Variants in ZNF787 observed in about 807,000 individuals in gnomAD.
ZNF787 encodes the protein TTF-I-interacting peptide 20.
A neutral mutation model predicts 16.9 loss-of-function variants in ZNF787; 7 were observed. The observed-to-expected ratio is 0.42, with a 90% CI of 0.24 to 0.78. The LOEUF (loss-of-function observed/expected upper bound fraction) is 0.78. ZNF787 is among the 30% of genes least tolerant of loss of function. ZNF787 has a pLI of 0.30. For synonymous variants in ZNF787, 345 were observed against 270.9 expected, an observed-to-expected ratio of 1.27 and a Z score of -2.69; for missense variants, 551 against 589.3, an observed-to-expected ratio of 0.94 and a Z score of 0.67.
chr19:56,091,244 C>T (rs1374188677), intron 2 of ZNF787, among the ~76,000 whole-genome samples: 1 of 152,220 alleles, frequency 6.6e-6, no homozygotes, highest in Non-Finnish European at 1.5e-5. Context: ...CTATCTGAAC[C>T]TTACAAGTGC....
intron 2 of ZNF787, among the ~76,000 whole-genome samples, chr19:56,091,519 T>A (rs1245170280): frequency 6.6e-6 from 1 of 152,080 alleles, no homozygotes; most frequent in African/African-American, 2.4e-5. Context: ...ATCAAAGCAA[T>A]TTCATGAGCT....
chr19:56,098,431 A>AATACGGCCGCAGGGTG (rs1193028967), intron 2 of ZNF787, among the ~76,000 whole-genome samples: 3 of 151,002 alleles, frequency 2.0e-5, no homozygotes, highest in South Asian at 4.2e-4. Flanking sequence ...CCACCCAGGT[A>AATACGGCCGCAGGGTG]ATACGGCCGC....
At position 56,091,075 on chromosome 19, in the gene ZNF787, T is replaced by G. The variant is rs147306195; in HGVS notation, c.80-1983A>C. 3.6e-4 allele frequency among the ~76,000 whole-genome samples: 55 copies of G among 152,240 alleles called. 1 individual carries two copies. In the East Asian group the frequency reaches 0.011, roughly 29 times the overall value. The stretch of plus-strand genomic sequence containing the variant: ...CATGGAGCCCACTGCGTTGTCAACA[T>G]AAATCAAAAAATGTTGTAAGTTATA... On this transcript the variant is annotated intron_variant, in intron 2 of 2. Coordinates refer to ENST00000610935, the MANE Select transcript of ZNF787 (RefSeq NM_001002836.4).
intron 1 of ZNF787, among the ~76,000 whole-genome samples, chr19:56,110,126 C>A (rs952264934): frequency 2.0e-5 from 3 of 152,192 alleles, no homozygotes; most frequent in Non-Finnish European, 2.9e-5. Flanking sequence ...CTTTGGGAGG[C>A]CAAGGCAGGC....
intron 1 of ZNF787, among the ~76,000 whole-genome samples, chr19:56,114,179 C>T (rs1187405828): frequency 6.6e-6 from 1 of 152,204 alleles, no homozygotes; most frequent in Non-Finnish European, 1.5e-5. Flanking sequence ...TCTGCAAACC[C>T]CCTCCCTTCC....
Position 56,112,310 on chromosome 19 carries a change from C to G in ZNF787, c.-11+8862G>C, listed in dbSNP as rs188023879. Among the ~76,000 whole-genome samples, 333 of 152,150 alleles carry G rather than the reference C, an allele frequency of 2.2e-3. 1 individual carries two copies. The highest frequency in any genetic ancestry group is 7.5e-3 in the African/African-American group (310 of 41,434). On this transcript the variant is annotated intron_variant, in intron 1 of 2. Coordinates refer to ENST00000610935, the MANE Select transcript of ZNF787 (RefSeq NM_001002836.4). ...GAGGGTCCCGGCCTCCCTTACCAGCCTCCGTTTCTCAGTCGGGGTCTCAGG... is the reference window on the plus strand; with the variant it reads ...GAGGGTCCCGGCCTCCCTTACCAGCGTCCGTTTCTCAGTCGGGGTCTCAGG...
intron 2 of ZNF787, among the ~76,000 whole-genome samples, chr19:56,092,034 GCCGAAGCCGAAGCCTCAC>G (rs954527353): frequency 6.6e-5 from 10 of 150,688 alleles, no homozygotes; most frequent in Admixed American, 4.6e-4. Flanking sequence ...CGAAGCCGAA[GCCGAAGCCGAAGCCTCAC>G]CCTCACCCTC....
intron 2 of ZNF787, among the ~76,000 whole-genome samples, chr19:56,091,989 C>CGAAGCCAAACG (rs1445445753): frequency 3.3e-5 from 5 of 151,164 alleles, no homozygotes; most frequent in African/African-American, 1.2e-4. Flanking sequence ...AAGGCGAAAC[C>CGAAGCCAAACG]GAAGCCAAAC....
intron 1 of ZNF787, among the ~76,000 whole-genome samples, chr19:56,110,520 A>T (rs560185016): frequency 8.8e-4 from 4 of 4,568 alleles, no homozygotes; most frequent in African/African-American, 5.2e-3. Context: ...AGGAAAGGTT[A>T]AAAAAAAAAA....
At chr19:56,115,407 G>A (rs1240294816) in intron 1 of ZNF787, among the ~76,000 whole-genome samples, 4 of 140,216 alleles carry the variant, frequency 2.9e-5, no homozygotes, top group African/African-American at 1.1e-4. Context: ...CGCCCAGGCT[G>A]GAGTGCAGTG....
At chr19:56,091,024 A>G (rs1568522833) in intron 2 of ZNF787, among the ~76,000 whole-genome samples, 1 of 152,204 alleles carries the variant, frequency 6.6e-6, no homozygotes, top group Non-Finnish European at 1.5e-5. Context: ...TGAAGTCAGG[A>G]AGGGGGGAGC....
At chr19:56,103,254 A>G (rs763926896) in intron 1 of ZNF787, 27 bp from the exon 2 acceptor site, 1 of 1,522,828 alleles carries the variant, frequency 6.6e-7, no homozygotes, top group African/African-American at 1.4e-5. Flanking sequence ...AGACAGAAGG[A>G]CAGAGTTTAT....
intron 2 of ZNF787, among the ~76,000 whole-genome samples, chr19:56,092,016 A>ACCGAAGCCGAAACCGAAG (rs1555775547): frequency 3.5e-5 from 5 of 144,920 alleles, no homozygotes; most frequent in African/African-American, 1.4e-4. Context: ...CAAAGCCGAA[A>ACCGAAGCCGAAACCGAAG]CCGAAGCCGA....
intron 2 of ZNF787, chr19:56,102,731 CT>C (rs1341421581): frequency 1.0e-5 from 6 of 589,030 alleles, no homozygotes; most frequent in Non-Finnish European, 1.8e-5. Context: ...TGGGCCACCC[CT>C]GGTGTAAGGA....
rs1444148621 is a variant in ZNF787 at position 56,087,471 on chromosome 19, G to A, written c.*552C>T. Reference sequence around the variant, plus strand: ...CCTGCGGCGCTGCCTCTGCTACCCGGAATCCAGGAGGGGAAGGAACGACTC... The same window carrying A: ...CCTGCGGCGCTGCCTCTGCTACCCGAAATCCAGGAGGGGAAGGAACGACTC... On this transcript the variant is annotated 3_prime_UTR_variant, in exon 3 of 3. Coordinates refer to ENST00000610935, the MANE Select transcript of ZNF787 (RefSeq NM_001002836.4). 6.6e-6 allele frequency: 1 copy of A among 152,262 alleles called. No homozygotes were observed. The highest frequency in any genetic ancestry group is 6.5e-5 in the Admixed American group (1 of 15,288). The allele number at this position is 152,262 out of a possible 1,614,324, so 9.4% of individuals were successfully genotyped here. A position where few individuals can be genotyped will look rare whatever the true frequency, so the allele number is the denominator to read the frequency against.
intron 2 of ZNF787, among the ~76,000 whole-genome samples, chr19:56,098,753 T>A (rs79832618): frequency 2.4e-5 from 2 of 83,886 alleles, no homozygotes; most frequent in African/African-American, 9.7e-5. Flanking sequence ...ATACGGCCGC[T>A]GGGTGATGGA....
intron 1 of ZNF787, among the ~76,000 whole-genome samples, chr19:56,107,507 G>A (rs1400063304): frequency 2.2e-5 from 3 of 134,366 alleles, no homozygotes; most frequent in Non-Finnish European, 1.5e-5. Context: ...CGGGGTCACT[G>A]TGAGACAATG....
intron 1 of ZNF787, among the ~76,000 whole-genome samples, chr19:56,119,289 T>G (rs473953): frequency 6.6e-6 from 1 of 152,312 alleles, no homozygotes; most frequent in Non-Finnish European, 1.5e-5. Flanking sequence ...CCTGGATGGA[T>G]TACATTTACT....
chr19:56,088,714 G>A lies in ZNF787; in HGVS notation c.458C>T (p.Pro153Leu), dbSNP rs866918123. The change falls in exon 3 of 3, where the codon CCC becomes CTC. Residue 153 changes from proline to leucine, a missense_variant. This residue lies in a region of ZNF787 where 40 missense variants were observed against 60.7 expected (regional missense o/e 0.66). Coordinates refer to ENST00000610935, the MANE Select transcript of ZNF787 (RefSeq NM_001002836.4). The surrounding 1 kb of genome is among the most constrained non-coding windows in gnomAD (Gnocchi z 8.6). ...IHTGEKPYTC[P>L]DCGRSFTQSK... The stretch of plus-strand genomic sequence containing the variant: ...CTGAGTGAAGCTGCGGCCGCAGTCG[G>A]GGCAGGTGTAGGGCTTCTCGCCCGT... 6.2e-7 allele frequency: 1 copy of A among 1,607,628 alleles called. No homozygotes were observed. The highest frequency in any genetic ancestry group is 8.5e-7 in the Non-Finnish European group (1 of 1,178,144).
Sources: allele counts gnomAD v4.1 joint callset (sites outside exome capture counted in the v4.1 genomes callset), GRCh38; gene constraint gnomAD v4.1.1; regional missense constraint gnomAD v4.1.1; non-coding constraint Gnocchi (gnomAD v3.1); transcripts MANE v1.5; gene names NCBI Gene and HGNC (gene_info 2026-07-23, HGNC 2026-07-21).